The following SLC5A8 variants were observed in gnomAD, a reference collection of about 807,000 sequenced individuals.
SLC5A8 encodes solute carrier family 5 member 8, also known as sodium-coupled monocarboxylate transporter 1.
In SLC5A8, 55 loss-of-function variants were observed where a neutral mutation model predicts 71.9. The ratio of observed to expected loss-of-function variants is 0.77; its 90% CI spans 0.62 to 0.96. SLC5A8 has a LOEUF of 0.96. Among genes scored for constraint, SLC5A8 ranks in the 40% least tolerant of loss-of-function variants. SLC5A8 has a pLI of 0.00. For synonymous variants in SLC5A8, 307 were observed against 276.1 expected, an observed-to-expected ratio of 1.11 and a Z score of -1.11; for missense variants, 701 against 745.3, an observed-to-expected ratio of 0.94 and a Z score of 0.69.
Position 101,155,975 on chromosome 12 carries a change from A to G in SLC5A8, c.*1304T>C, listed in dbSNP as rs2051656883. ...CTAAAAAAAATTGAGTTTAAAAAAG[A>G]ACTTTTAAACAGTATCTAATGTGGG... On this transcript the variant is annotated 3_prime_UTR_variant, in exon 15 of 15. Transcript: ENST00000536262. 6.6e-6 allele frequency: 1 copy of G among 152,146 alleles called. No homozygotes were observed. Among genetic ancestry groups the G allele is most frequent in the African/African-American group, 2.4e-5 (1 of 41,438 alleles). The allele number at this position is 152,146 out of a possible 1,614,324, so 9.4% of individuals were successfully genotyped here.
At chr12:101,161,556 C>A (rs2051723331) in intron 13 of SLC5A8, among the ~76,000 whole-genome samples, 1 of 152,086 alleles carries the variant, frequency 6.6e-6, no homozygotes, top group Non-Finnish European at 1.5e-5. Context: ...AGAATGAATA[C>A]TGGACCATGT....
intron 10 of SLC5A8, among the ~76,000 whole-genome samples, chr12:101,170,190 C>T (rs2051815545): frequency 6.6e-6 from 1 of 152,192 alleles, no homozygotes; most frequent in Non-Finnish European, 1.5e-5. Flanking sequence ...TCCAGGCCCA[C>T]AGCTCCACAG....
intron 12 of SLC5A8, among the ~76,000 whole-genome samples, chr12:101,164,931 C>G (rs2137124177): frequency 6.6e-6 from 1 of 152,310 alleles, no homozygotes; most frequent in Non-Finnish European, 1.5e-5. Flanking sequence ...AGTCTTCATG[C>G]TAACTTACAC....
At chr12:101,205,493 T>C (rs1401707010) in intron 1 of SLC5A8, among the ~76,000 whole-genome samples, 23 of 152,204 alleles carry the variant, frequency 1.5e-4, no homozygotes. Flanking sequence ...GGAGCTAAGA[T>C]TTTCTTTAAC....
intron 10 of SLC5A8, among the ~76,000 whole-genome samples, chr12:101,176,102 A>T (rs1471656982): frequency 2.0e-5 from 3 of 152,048 alleles, no homozygotes; most frequent in Admixed American, 6.6e-5. Context: ...TGTCTACAAA[A>T]AAACTCACTT....
intron 12 of SLC5A8, 147 bp from the exon 13 acceptor site, chr12:101,162,224 C>T (rs934783385): frequency 1.7e-6 from 1 of 600,872 alleles, no homozygotes. Flanking sequence ...TTTATCTTAT[C>T]AGATCAGGAA....
At chr12:101,166,750 G>A (rs1231131775) in intron 11 of SLC5A8, 51 bp from the exon 12 acceptor site, 2 of 1,479,756 alleles carry the variant, frequency 1.4e-6, no homozygotes, top group Non-Finnish European at 1.8e-6. Context: ...TTGCTTTGAT[G>A]TCAAAATTAA....
intron 8 of SLC5A8, among the ~76,000 whole-genome samples, chr12:101,183,186 C>T (rs1868448432): frequency 1.3e-5 from 2 of 151,904 alleles, no homozygotes; most frequent in South Asian, 4.2e-4. Context: ...GCTGGGACTA[C>T]AGGCGCCCGC....
chr12:101,179,489 AC>A, intron 10 of SLC5A8, among the ~76,000 whole-genome samples: 1 of 152,232 alleles, frequency 6.6e-6, no homozygotes, highest in Non-Finnish European at 1.5e-5. Context: ...TTATTGACAT[AC>A]GCAACAACCT....
intron 3 of SLC5A8, 46 bp downstream of exon 3, chr12:101,202,118 T>G: frequency 6.3e-7 from 1 of 1,581,174 alleles, no homozygotes; most frequent in Non-Finnish European, 8.7e-7. Flanking sequence ...TTGTTGAAAG[T>G]GAACCCCAAA....
chr12:101,171,567 G>C (rs117066169), intron 10 of SLC5A8, among the ~76,000 whole-genome samples: 2,979 of 152,302 alleles, frequency 0.02, 30 homozygotes, highest in Middle Eastern at 0.058. Context: ...TCATCACAGA[G>C]AGGATACAGT....
intron 12 of SLC5A8, among the ~76,000 whole-genome samples, chr12:101,166,055 C>A (rs2051766818): frequency 6.6e-6 from 1 of 152,160 alleles, no homozygotes; most frequent in African/African-American, 2.4e-5. Context: ...GATTTGGAAT[C>A]TTCAACTGAA....
At chr12:101,177,703 C>A (rs1197969167) in intron 10 of SLC5A8, among the ~76,000 whole-genome samples, 2 of 151,962 alleles carry the variant, frequency 1.3e-5, no homozygotes, top group Non-Finnish European at 2.9e-5. Flanking sequence ...ATCACATGAT[C>A]ATATAAATTG....
chr12:101,175,205 G>A (rs1192450854), intron 10 of SLC5A8, among the ~76,000 whole-genome samples: 2 of 151,728 alleles, frequency 1.3e-5, no homozygotes, highest in African/African-American at 4.8e-5. Flanking sequence ...CAGTATAGAA[G>A]GAACAGAGAA....
chr12:101,180,950 GTACATGTAT>G lies in SLC5A8; in HGVS notation c.1166-863_1166-855del, dbSNP rs567104407. Among the ~76,000 whole-genome samples, 25 of 151,998 alleles carry G rather than the reference GTACATGTAT, an allele frequency of 1.6e-4. No individual in the cohort carries two copies. In the East Asian group the frequency reaches 4.1e-3, roughly 25 times the overall value. ...TCAGTATTTTCTAAATTTTCTCCAG[GTACATGTAT>G]TACCTTTTAAATTATAGGAAATATC... is the stretch of plus-strand genomic sequence containing the variant. On this transcript the variant is annotated intron_variant, in intron 9 of 14. Coordinates refer to ENST00000536262, the MANE Select transcript of SLC5A8 (RefSeq NM_145913.5).
At chr12:101,194,266 A>G (rs554891627) in intron 4 of SLC5A8, among the ~76,000 whole-genome samples, 10 of 152,304 alleles carry the variant, frequency 6.6e-5, no homozygotes, top group African/African-American at 2.4e-4. Flanking sequence ...AAGTTTCTCT[A>G]TGACCTAAGC....
chr12:101,210,151 C>G lies in SLC5A8; in HGVS notation c.-303G>C. 1 of 380,806 alleles carries G rather than the reference C, an allele frequency of 2.6e-6. No individual in the cohort carries two copies. The highest frequency in any genetic ancestry group is 9.2e-5 in the South Asian group (1 of 10,874). The allele number at this position is 380,806 out of a possible 1,614,324, so 23.6% of individuals were successfully genotyped here. A position where few individuals can be genotyped will look rare whatever the true frequency, so the allele number is the denominator to read the frequency against. The stretch of plus-strand genomic sequence containing the variant: ...ACTGGAGTGGCCGAGTTCGCCAAGG[C>G]GCCGGGGACACCTGAGCAGATGAGA... On this transcript the variant is annotated 5_prime_UTR_variant, in exon 1 of 15. Coordinates refer to ENST00000536262, the MANE Select transcript of SLC5A8 (RefSeq NM_145913.5).
At chr12:101,181,254 T>C (rs2051930212) in intron 9 of SLC5A8, among the ~76,000 whole-genome samples, 1 of 152,216 alleles carries the variant, frequency 6.6e-6, no homozygotes, top group African/African-American at 2.4e-5. Flanking sequence ...TTTTTACGCC[T>C]CTCAATTTTA....
intron 12 of SLC5A8, among the ~76,000 whole-genome samples, 176 bp from the exon 13 acceptor site, chr12:101,162,253 C>T (rs2051730897): frequency 6.6e-6 from 1 of 152,168 alleles, no homozygotes; most frequent in South Asian, 2.1e-4. Flanking sequence ...AAAACTTCAC[C>T]TTGACTATAT....
Sources: allele counts gnomAD v4.1 joint callset (sites outside exome capture counted in the v4.1 genomes callset), GRCh38; gene constraint gnomAD v4.1.1; transcripts MANE v1.5; gene names NCBI Gene and HGNC (gene_info 2026-07-23, HGNC 2026-07-21).